Variants in CLDN14 observed in about 807,000 individuals in gnomAD.
The protein encoded by CLDN14 is claudin-14.
CLDN14 carries 2 observed loss-of-function variants against 2.1 expected under a neutral mutation model. The observed-to-expected ratio is 0.96, with a 90% CI of 0.39 to 3.01. The LOEUF is 3.01. CLDN14 is among the 30% of genes most tolerant of loss of function. The pLI is 0.09. For missense variants in CLDN14, 298 were observed against 328.0 expected, an observed-to-expected ratio of 0.91 and a Z score of 0.71; for synonymous variants, 136 against 154.4, an observed-to-expected ratio of 0.88 and a Z score of 0.88.
intron 1 of CLDN14, among the ~76,000 whole-genome samples, chr21:36,564,111 CCCTGAGAGCTAAA>C (rs2087656272): frequency 6.6e-6 from 1 of 152,190 alleles, no homozygotes; most frequent in Non-Finnish European, 1.5e-5. Flanking sequence ...AAATGTGGCT[CCCTGAGAGCTAAA>C]CCTGACATCA....
At chr21:36,545,605 T>C (rs955775148) in intron 1 of CLDN14, among the ~76,000 whole-genome samples, 1 of 152,230 alleles carries the variant, frequency 6.6e-6, no homozygotes, top group African/African-American at 2.4e-5. Flanking sequence ...TCATTTTTTT[T>C]CCTTGAAATA....
At chr21:36,556,056 C>T (rs451614) in intron 1 of CLDN14, among the ~76,000 whole-genome samples, 113,368 of 151,906 alleles carry the variant, frequency 0.75, 43,885 homozygotes, top group Non-Finnish European at 0.87. Context: ...ACTCAGGGGC[C>T]CAAGCTATTG....
intron 1 of CLDN14, among the ~76,000 whole-genome samples, chr21:36,467,613 G>C (rs1229645370): frequency 1.3e-5 from 2 of 151,880 alleles, no homozygotes; most frequent in African/African-American, 4.8e-5. Context: ...AGGCGGTGGT[G>C]GGGGGTGTCT....
At chr21:36,571,551 G>A (rs2087710482) in intron 1 of CLDN14, among the ~76,000 whole-genome samples, 1 of 152,172 alleles carries the variant, frequency 6.6e-6, no homozygotes, top group Non-Finnish European at 1.5e-5. Flanking sequence ...TCACATCTAA[G>A]GTTGCAAACC....
intron 2 of CLDN14, among the ~76,000 whole-genome samples, chr21:36,489,836 C>G (rs909204239): frequency 6.6e-5 from 10 of 152,220 alleles, no homozygotes; most frequent in African/African-American, 2.4e-4. Flanking sequence ...TCACCTGGGC[C>G]TCCCATCCAA....
intron 1 of CLDN14, among the ~76,000 whole-genome samples, chr21:36,516,704 C>A (rs944272471): frequency 1.3e-5 from 2 of 152,230 alleles, no homozygotes; most frequent in African/African-American, 4.8e-5. Context: ...CAGTTTGGTT[C>A]AGTTAAATGA....
intron 2 of CLDN14, chr21:36,486,363 C>A: frequency 1.1e-6 from 1 of 893,300 alleles, no homozygotes; most frequent in Non-Finnish European, 1.9e-6. Flanking sequence ...TGTAGCAATC[C>A]TGGCCTCAGC....
chr21:36,503,558 C>T (rs566712565), intron 2 of CLDN14, among the ~76,000 whole-genome samples: 7 of 152,280 alleles, frequency 4.6e-5, no homozygotes, highest in Non-Finnish European at 1.5e-5. Context: ...ATGACTTGCT[C>T]CTCTTTTCTT....
At chr21:36,528,800 TG>T (rs1261825587) in intron 1 of CLDN14, among the ~76,000 whole-genome samples, 4 of 152,222 alleles carry the variant, frequency 2.6e-5, no homozygotes, top group African/African-American at 9.6e-5. Flanking sequence ...ATTCTACAAG[TG>T]GTGGAAGGTT....
chr21:36,479,143 C>T (rs1259222068), intron 1 of CLDN14, among the ~76,000 whole-genome samples: 1 of 152,150 alleles, frequency 6.6e-6, no homozygotes, highest in Non-Finnish European at 1.5e-5. Flanking sequence ...CTGAGCTCCC[C>T]GAGCTGAGCT....
In CLDN14 at chr21:36,499,370, C is replaced by A. The variant is rs531247831; in HGVS notation, c.-82+10993G>T. 3.3e-5 allele frequency among the ~76,000 whole-genome samples: 5 copies of A among 152,226 alleles called. No homozygotes were observed. The highest frequency in any genetic ancestry group is 2.1e-4 in the South Asian group (1 of 4,830). On this transcript the variant is annotated intron_variant, in intron 2 of 2. Transcript: ENST00000342108. The surrounding 1 kb of genome is among the most constrained non-coding windows in gnomAD (Gnocchi z 4.7). The stretch of plus-strand genomic sequence containing the variant: ...GTTCAAGCGATTCTCCTGCCTCAGC[C>A]TCCCAAGTTTTTACTTGAAACCTGC...
chr21:36,535,415 T>TA (rs1267225959), intron 1 of CLDN14, among the ~76,000 whole-genome samples: 1 of 109,894 alleles, frequency 9.1e-6, no homozygotes, highest in African/African-American at 2.6e-5. Flanking sequence ...TAAATAAAAG[T>TA]AAAAAATAAA....
intron 2 of CLDN14, among the ~76,000 whole-genome samples, chr21:36,490,385 A>ATTTTTTTT (rs71198817): frequency 2.2e-4 from 22 of 102,054 alleles, no homozygotes; most frequent in East Asian, 1.9e-3. Flanking sequence ...TTTTTTTTTA[A>ATTTTTTTT]TTTTTTTTTT....
At chr21:36,526,910 C>T (rs754486728) in intron 1 of CLDN14, among the ~76,000 whole-genome samples, 4 of 152,194 alleles carry the variant, frequency 2.6e-5, no homozygotes, top group Non-Finnish European at 4.4e-5. Context: ...GCCCACCTCC[C>T]GAGACGGGGA....
At chr21:36,491,312 C>A (rs2146463335) in intron 2 of CLDN14, among the ~76,000 whole-genome samples, 1 of 152,268 alleles carries the variant, frequency 6.6e-6, no homozygotes, top group East Asian at 1.9e-4. Flanking sequence ...CTCTTAATAA[C>A]CTCAAGAACC....
chr21:36,475,939 TG>T lies in CLDN14; in HGVS notation c.-82+3555del, dbSNP rs2086773206. On this transcript the variant is annotated intron_variant, in intron 1 of 1. Coordinates refer to ENST00000399135, the MANE Select transcript of CLDN14 (RefSeq NM_001146079.2). ...TGCCCTCCTCGGCATCCCAAAGTGC[TG>T]GGATTACAGGCATGAGCCACCACCG... Among the ~76,000 whole-genome samples, 3 of 152,200 alleles carry T rather than the reference TG, an allele frequency of 2.0e-5. No homozygotes were observed. The South Asian group carries it at 6.2e-4, about 32-fold the overall frequency.
chr21:36,505,857 T>C (rs1266172967), intron 2 of CLDN14, among the ~76,000 whole-genome samples: 7 of 152,210 alleles, frequency 4.6e-5, no homozygotes, highest in Non-Finnish European at 1.0e-4. Context: ...CGTAAGGCAC[T>C]GTGGACTTCC....
intron 1 of CLDN14, among the ~76,000 whole-genome samples, chr21:36,519,957 C>A (rs1284077508): frequency 1.3e-5 from 2 of 152,104 alleles, no homozygotes; most frequent in African/African-American, 2.4e-5. Context: ...TTTTCTAGGG[C>A]CCTGCAACAA....
chr21:36,515,850 G>A (rs1437992998), intron 1 of CLDN14, among the ~76,000 whole-genome samples: 3 of 128,108 alleles, frequency 2.3e-5, no homozygotes, highest in Non-Finnish European at 3.2e-5. Flanking sequence ...GCATTGGCAC[G>A]ATCTTGGCTC....
Sources: gnomAD v4.1 joint callset for allele counts (sites outside exome capture counted in the v4.1 genomes callset) on GRCh38, gnomAD v4.1.1 for gene constraint, Gnocchi (gnomAD v3.1) non-coding constraint, MANE v1.5 for transcripts, NCBI Gene and HGNC (gene_info 2026-07-23, HGNC 2026-07-21) for gene names.